E2F7: variants seen among roughly 807,000 people sequenced by gnomAD.
E2F7 encodes the protein E2F transcription factor 7.
E2F7 carries 35 observed loss-of-function variants against 81.1 expected under a neutral mutation model. The observed-to-expected ratio is 0.43, with a 90% CI of 0.33 to 0.57. E2F7 has a LOEUF of 0.57. Among genes scored for constraint, E2F7 ranks in the 20% least tolerant of loss-of-function variants. The pLI, the probability that E2F7 is intolerant of heterozygous loss-of-function variation, is 0.04. For synonymous variants in E2F7, 416 were observed against 416.2 expected (o/e 1.00, Z 0.01); for missense variants, 961 against 1,093.7 (o/e 0.88, Z 1.71).
chr12:77,058,440 C>T (rs998760086), intron 2 of E2F7, among the ~76,000 whole-genome samples: 6 of 152,172 alleles, frequency 3.9e-5, no homozygotes. Flanking sequence ...TGAAATTCTA[C>T]ACTTAAAAAT....
intron 7 of E2F7, among the ~76,000 whole-genome samples, chr12:77,042,560 C>A (rs1226274686): frequency 6.6e-6 from 1 of 152,074 alleles, no homozygotes; most frequent in Non-Finnish European, 1.5e-5. Context: ...TATTTATAAC[C>A]TTTTAAATAC....
chr12:77,029,067 T>C (rs1046120420), intron 10 of E2F7, among the ~76,000 whole-genome samples: 1 of 152,222 alleles, frequency 6.6e-6, no homozygotes, highest in Non-Finnish European at 1.5e-5. Flanking sequence ...ATAAGAACTG[T>C]GGGCTGGCCC....
rs1955102809 is a variant in E2F7, at chr12:77,064,598, C to A, written c.38G>T (p.Ser13Ile). The A allele has an allele frequency of 6.2e-7, 1 of 1,613,982 alleles. No homozygotes were observed. Among genetic ancestry groups the A allele is most frequent in the African/African-American group, 1.3e-5 (1 of 74,932 alleles). ...AAAATCTAGTCTGGGCTGCCTGGGGCTGATCAGGTCTTTTAGTGTTAAACA... is the reference window on the plus strand; with the variant it reads ...AAAATCTAGTCTGGGCTGCCTGGGGATGATCAGGTCTTTTAGTGTTAAACA... ...VNCLTLKDLI[S>I]PRQPRLDFAV... The change falls in exon 2 of 13, where the codon AGC becomes ATC. Residue 13 changes from serine to isoleucine, a missense_variant. By Grantham distance (142) the Ser-to-Ile change is moderately radical. Coordinates refer to ENST00000322886, the MANE Select transcript of E2F7 (RefSeq NM_203394.3).
At chr12:77,055,691 A>C (rs1565911537) in intron 3 of E2F7, among the ~76,000 whole-genome samples, 164 bp downstream of exon 3, 1 of 152,222 alleles carries the variant, frequency 6.6e-6, no homozygotes, top group Non-Finnish European at 1.5e-5. Context: ...ATTCATTATG[A>C]AAAATAAGAT....
intron 7 of E2F7, among the ~76,000 whole-genome samples, chr12:77,042,610 T>C (rs1954902537): frequency 6.6e-6 from 1 of 152,250 alleles, no homozygotes; most frequent in Non-Finnish European, 1.5e-5. Flanking sequence ...AGATGCAATC[T>C]TAACCACATC....
At chr12:77,063,992 A>G (rs186077035) in intron 2 of E2F7, among the ~76,000 whole-genome samples, 2,044 of 152,332 alleles carry the variant, frequency 0.013, 28 homozygotes, top group South Asian at 0.038. Context: ...AGGGGTGCAA[A>G]ATGTAAGGGA....
intron 9 of E2F7, among the ~76,000 whole-genome samples, chr12:77,031,169 G>A (rs982981235): frequency 6.6e-6 from 1 of 152,108 alleles, no homozygotes; most frequent in Non-Finnish European, 1.5e-5. Context: ...GCTGCAGTGA[G>A]CTACGATCAC....
At position 77,029,945 on chromosome 12, in the gene E2F7, G is replaced by A. The variant is rs747424200; in HGVS notation, c.1770C>T (p.Pro590=). 3 of 1,614,240 alleles carry A rather than the reference G, an allele frequency of 1.9e-6. No homozygotes were observed. Among genetic ancestry groups the A allele is most frequent in the South Asian group, 1.1e-5 (1 of 91,086 alleles). The change falls in exon 10 of 13, where the codon CCC becomes CCT. Residue 590 remains proline (P), a synonymous_variant. Transcript: ENST00000322886. ...APATVELSSA[P]SAQKRLCEER... is the part of the protein sequence containing the mutation. The stretch of plus-strand genomic sequence containing the variant: ...CCTCACAGAGGCGCTTCTGAGCTGA[G>A]GGTGCAGATGACAGCTCTACTGTGG...
rs1954978075 is a variant in E2F7 at position 77,050,562 on chromosome 12, C to A, written c.538+14G>T. 1 of 1,611,458 alleles carries A rather than the reference C, an allele frequency of 6.2e-7. No homozygotes were observed. Among genetic ancestry groups the A allele is most frequent in the Admixed American group, 1.7e-5 (1 of 59,894 alleles). On this transcript the variant is annotated intron_variant, in intron 4 of 12. Coordinates refer to ENST00000322886, the MANE Select transcript of E2F7 (RefSeq NM_203394.3). ...AACTGGAGACAGACCTCCAGGTAAT[C>A]TGATGATACATACCAAGACTGACAG...
rs10161028 is a variant in E2F7, at chr12:77,050,333, T to C, written c.538+243A>G. On this transcript the variant is annotated intron_variant, in intron 4 of 12. Transcript: ENST00000322886. ...AACTCTATTATAAAAATATTACTTA[T>C]TATAGAAATATTTTTTAAGGTTAAA... Among the ~76,000 whole-genome samples, 51,244 of 152,104 alleles carry C rather than the reference T, an allele frequency of 0.34. 8,887 individuals carry two copies. Among genetic ancestry groups the C allele is most frequent in the African/African-American group, 0.42 (17,398 of 41,468 alleles).
At chr12:77,038,934 A>C (rs907594665) in intron 7 of E2F7, among the ~76,000 whole-genome samples, 1 of 152,212 alleles carries the variant, frequency 6.6e-6, no homozygotes, top group Non-Finnish European at 1.5e-5. Flanking sequence ...TAACAATTCT[A>C]CACAAACTCT....
At chr12:77,049,352 C>T (rs1412355354) in intron 4 of E2F7, among the ~76,000 whole-genome samples, 1 of 152,178 alleles carries the variant, frequency 6.6e-6, no homozygotes, top group East Asian at 1.9e-4. Context: ...TCTACTTCCT[C>T]TTCCTATAGA....
At chr12:77,027,795 TG>T in intron 11 of E2F7, 87 bp downstream of exon 11, 1 of 1,534,840 alleles carries the variant, frequency 6.5e-7, no homozygotes, top group South Asian at 1.3e-5. Flanking sequence ...TAAGCCACTT[TG>T]GGTCAGGTGA....
At chr12:77,037,511 C>T (rs1954862084) in intron 7 of E2F7, among the ~76,000 whole-genome samples, 1 of 152,110 alleles carries the variant, frequency 6.6e-6, no homozygotes, top group Non-Finnish European at 1.5e-5. Flanking sequence ...AACAATGGCA[C>T]AAAGGCCAGG....
intron 7 of E2F7, among the ~76,000 whole-genome samples, chr12:77,038,278 T>G (rs1026915460): frequency 8.5e-5 from 13 of 152,160 alleles, no homozygotes; most frequent in Non-Finnish European, 1.8e-4. Flanking sequence ...ATAAAAGAAC[T>G]GGACATTTAT....
intron 3 of E2F7, among the ~76,000 whole-genome samples, chr12:77,053,442 C>T (rs144158839): frequency 6.6e-6 from 1 of 152,240 alleles, no homozygotes; most frequent in East Asian, 1.9e-4. Flanking sequence ...TGGAAGACTC[C>T]AGTGTACACT....
At chr12:77,034,600 G>A (rs996719414) in intron 7 of E2F7, among the ~76,000 whole-genome samples, 4 of 152,230 alleles carry the variant, frequency 2.6e-5, no homozygotes, top group Non-Finnish European at 4.4e-5. Flanking sequence ...AAATGCTGCA[G>A]AACAGTGAGA....
Position 77,030,006 on chromosome 12 carries a change from C to T in E2F7, c.1709G>A (p.Gly570Glu), listed in dbSNP as rs189705705. The change falls in exon 10 of 13, where the codon GGG becomes GAG. Residue 570 changes from glycine to glutamate, a missense_variant. By Grantham distance (98) the Gly-to-Glu change is moderately conservative. Around this residue, in one of 3 missense-constraint regions of E2F7, gnomAD observed 587 missense variants for 620.3 expected, o/e 0.95. Coordinates refer to ENST00000322886, the MANE Select transcript of E2F7 (RefSeq NM_203394.3). Reference protein sequence around the residue: ...SLQEGPASGSGSERDDRSSEA... With the variant: ...SLQEGPASGSESERDDRSSEA... ...TGAGCTTCTGTCATCCCTCTCTGAC[C>T]CTGACCCTGACGCTGGTCCCTCCTG... The T allele has an allele frequency of 5.6e-6, 9 of 1,614,174 alleles. No homozygotes were observed. The Admixed American group carries it at 6.7e-5, about 12-fold the overall frequency.
chr12:77,027,778 A>G, intron 11 of E2F7, 105 bp downstream of exon 11: 1 of 1,462,514 alleles, frequency 6.8e-7, no homozygotes. Flanking sequence ...TGACTCAGGC[A>G]CATCAATAAG....
Sources: gnomAD v4.1 joint callset for allele counts (sites outside exome capture counted in the v4.1 genomes callset) on GRCh38, gnomAD v4.1.1 for gene constraint, gnomAD v4.1.1 regional missense constraint, MANE v1.5 for transcripts, NCBI Gene and HGNC (gene_info 2026-07-23, HGNC 2026-07-21) for gene names.